Variants in CAST observed in about 807,000 individuals in gnomAD.
CAST encodes the protein calpastatin, also known as MIR583 host.
CAST carries 76 observed loss-of-function variants against 119.6 expected under a neutral mutation model. The observed-to-expected ratio is 0.64, with a 90% confidence interval of 0.53 to 0.77. The LOEUF (loss-of-function observed/expected upper bound fraction) is 0.77, where lower values mean the gene tolerates loss of function less well. Ranked by LOEUF, CAST falls within the 30% of genes least tolerant of loss-of-function variation. The probability of loss-of-function intolerance (pLI) is 0.00; values close to 1 mark genes in which losing one functional copy is unlikely to be tolerated. For missense variants in CAST, 953 were observed against 946.5 expected (o/e 1.01, Z -0.09); for synonymous variants, 319 against 331.6 (o/e 0.96, Z 0.41).
chr5:96,506,639 G>A, the CAST span, among the ~76,000 whole-genome samples: 1 of 138,046 alleles, frequency 7.2e-6, no homozygotes, highest in Non-Finnish European at 1.6e-5. Context: ...AGTCAGAGTG[G>A]AGAGGCTTCT....
chr5:96,662,325 C>CAACCA, upstream of CAST: 1 of 711,424 alleles, frequency 1.4e-6, no homozygotes, highest in Non-Finnish European at 2.0e-6. Context: ...CCTCCGCTCC[C>CAACCA]TCCCTCCCTC....
chr5:96,664,528 T>C lies in CAST; in HGVS notation c.75+2031T>C, dbSNP rs577509248. On this transcript the variant is annotated intron_variant, in intron 1 of 31. Coordinates refer to ENST00000675179, the MANE Select transcript of CAST (RefSeq NM_001750.7). ...CCTCCCACCTCAGCCTCCCAAAATG[T>C]TGGATTACAGGCATGAGCCACTGCA... Among the ~76,000 whole-genome samples the C allele has an allele frequency of 1.6e-3, 246 of 152,236 alleles. 1 individual carries two copies. Among genetic ancestry groups the C allele is most frequent in the African/African-American group, 5.6e-3 (234 of 41,544 alleles).
chr5:96,737,775 C>A, intron 10 of CAST, 74 bp from the exon 11 acceptor site: 1 of 810,702 alleles, frequency 1.2e-6, no homozygotes, highest in Non-Finnish European at 1.9e-6. Flanking sequence ...CACAGAATGG[C>A]TTTTTTTGTA....
chr5:96,610,933 C>A (rs919382376), intron 1 of CAST, among the ~76,000 whole-genome samples: 9 of 151,878 alleles, frequency 5.9e-5, no homozygotes, highest in African/African-American at 2.2e-4. Flanking sequence ...CACACACATA[C>A]ACACACACAC....
the CAST span, among the ~76,000 whole-genome samples, chr5:96,092,906 A>C: frequency 1.3e-5 from 2 of 152,186 alleles, no homozygotes; most frequent in Non-Finnish European, 2.9e-5. Flanking sequence ...TCACAGAGCT[A>C]TTTAGCGGCA....
At chr5:96,432,896 G>A in the CAST span, 7 of 1,613,984 alleles carry the variant, frequency 4.3e-6, no homozygotes, top group Non-Finnish European at 5.9e-6. Flanking sequence ...GCTCCTCGGC[G>A]ATGGCCGAGG....
At chr5:96,178,002 G>T in the CAST span, among the ~76,000 whole-genome samples, 1 of 152,156 alleles carries the variant, frequency 6.6e-6, no homozygotes, top group South Asian at 2.1e-4. Context: ...CTCTAAAAAT[G>T]AATTCATATT....
intron 1 of CAST, among the ~76,000 whole-genome samples, chr5:96,645,725 A>G (rs1032228437): frequency 6.6e-6 from 1 of 151,972 alleles, no homozygotes; most frequent in Non-Finnish European, 1.5e-5. Context: ...GTGAAAGTAT[A>G]ACAAACTTTA....
the CAST span, among the ~76,000 whole-genome samples, chr5:96,478,352 G>A: frequency 2.0e-5 from 3 of 152,220 alleles, no homozygotes; most frequent in Non-Finnish European, 2.9e-5. Flanking sequence ...TTGTGTGTCT[G>A]AAATAGTCCA....
the CAST span, among the ~76,000 whole-genome samples, chr5:96,513,100 C>A: frequency 6.6e-6 from 1 of 152,126 alleles, no homozygotes; most frequent in African/African-American, 2.4e-5. Context: ...ATTCTCGGGT[C>A]CTGATTATCA....
At chr5:96,616,753 T>TACACACACAC (rs377159898) in intron 1 of CAST, among the ~76,000 whole-genome samples, 10 of 130,736 alleles carry the variant, frequency 7.6e-5, no homozygotes, top group African/African-American at 2.5e-4. Flanking sequence ...TCTATATATA[T>TACACACACAC]ACACACACAC....
At chr5:96,608,240 C>T (rs1747296761) in intron 1 of CAST, among the ~76,000 whole-genome samples, 1 of 152,098 alleles carries the variant, frequency 6.6e-6, no homozygotes, top group Non-Finnish European at 1.5e-5. Context: ...ACATAAAGTC[C>T]TCCAGGTTCA....
the CAST span, among the ~76,000 whole-genome samples, chr5:96,064,110 G>C: frequency 2.6e-5 from 4 of 152,172 alleles, no homozygotes; most frequent in African/African-American, 9.6e-5. Context: ...TTAGCTATTA[G>C]AGGATTTTAA....
chr5:96,662,251 A>G, upstream of CAST: 1 of 759,216 alleles, frequency 1.3e-6, no homozygotes, highest in Non-Finnish European at 1.9e-6. Flanking sequence ...CATCGGGGCT[A>G]GGGGAACCCC....
intron 2 of CAST, among the ~76,000 whole-genome samples, chr5:96,684,464 T>C (rs1751810052): frequency 6.6e-6 from 1 of 152,200 alleles, no homozygotes; most frequent in South Asian, 2.1e-4. Flanking sequence ...GGAAGTTTGA[T>C]AGTTTATTAA....
intron 1 of CAST, among the ~76,000 whole-genome samples, chr5:96,562,732 A>G (rs1296710283): frequency 2.0e-5 from 3 of 152,178 alleles, no homozygotes; most frequent in Admixed American, 2.0e-4. Flanking sequence ...AACTGCTTCC[A>G]ATCTCCAGGA....
chr5:96,746,574 C>A (rs1763807848), intron 17 of CAST, 149 bp downstream of exon 17: 1 of 672,562 alleles, frequency 1.5e-6, no homozygotes, highest in Non-Finnish European at 2.7e-6. Context: ...TCTCTGCTCC[C>A]TACAGTTAGA....
At chr5:96,505,759 C>T in the CAST span, among the ~76,000 whole-genome samples, 1 of 152,220 alleles carries the variant, frequency 6.6e-6, no homozygotes, top group Admixed American at 6.5e-5. Context: ...GTTTTGGGTG[C>T]ACAGGCCTTG....
chr5:96,736,324 T>G (rs1761630390), intron 10 of CAST, 84 bp downstream of exon 10: 1 of 773,356 alleles, frequency 1.3e-6, no homozygotes, highest in African/African-American at 1.8e-5. Flanking sequence ...TGTGGGCAAA[T>G]AATATGAGGG....
Sources: gnomAD v4.1 joint callset for allele counts (sites outside exome capture counted in the v4.1 genomes callset) on GRCh38, gnomAD v4.1.1 for gene constraint, MANE v1.5 for transcripts, NCBI Gene and HGNC (gene_info 2026-07-23, HGNC 2026-07-21) for gene names.